RNF111: variants seen among roughly 807,000 people sequenced by gnomAD.
The protein encoded by RNF111 is E3 ubiquitin-protein ligase Arkadia.
Under a neutral mutation model 95.1 loss-of-function variants are expected in RNF111, and 17 were observed. The observed-to-expected ratio is 0.18, with a 90% CI of 0.12 to 0.27. RNF111 has a LOEUF of 0.27. Ranked by LOEUF, RNF111 falls within the 10% of genes least tolerant of loss-of-function variation. The pLI, the probability that RNF111 is intolerant of heterozygous loss-of-function variation, is 1.00. For missense variants in RNF111, 1,189 were observed against 1,210.4 expected (o/e 0.98, Z 0.26); for synonymous variants, 440 against 414.8 (o/e 1.06, Z -0.74).
chr15:59,065,754 C>G (rs1259950675), intron 5 of RNF111, among the ~76,000 whole-genome samples: 2 of 152,110 alleles, frequency 1.3e-5, no homozygotes, highest in African/African-American at 4.8e-5. Context: ...CGCCTGTAAT[C>G]CAAGTACTTT....
chr15:59,027,390 T>G (rs762535891), intron 1 of RNF111, among the ~76,000 whole-genome samples: 4 of 152,202 alleles, frequency 2.6e-5, no homozygotes, highest in African/African-American at 4.8e-5. Context: ...TTTTTAAACC[T>G]CTTGACTTTC....
rs1418803647 is a variant in RNF111 at position 59,095,717 on chromosome 15, T to A, written c.*817T>A. Reference sequence around the variant, plus strand: ...ATATTAATTTCAATTAGCTAGATTGTACATACTTGCAGATTTAACAAAATT... The same window carrying A: ...ATATTAATTTCAATTAGCTAGATTGAACATACTTGCAGATTTAACAAAATT... On this transcript the variant is annotated 3_prime_UTR_variant, in exon 14 of 14. Coordinates refer to ENST00000348370, the MANE Select transcript of RNF111 (RefSeq NM_017610.8). The A allele has an allele frequency of 1.3e-5, 4 of 297,294 alleles. No individual in the cohort carries two copies. The highest frequency in any genetic ancestry group is 2.5e-5 in the Non-Finnish European group (4 of 163,166). 18.4% of individuals were successfully genotyped at this position (297,294 alleles called of 1,614,324 possible). A position where few individuals can be genotyped will look rare whatever the true frequency, so the allele number is the denominator to read the frequency against.
Position 59,021,389 on chromosome 15 carries a change from C to T in RNF111, c.-19-9415C>T, listed in dbSNP as rs1596105701. Among the ~76,000 whole-genome samples, 6 of 152,124 alleles carry T rather than the reference C, an allele frequency of 3.9e-5. No individual in the cohort carries two copies. The South Asian group carries it at 1.3e-3, about 32-fold the overall frequency. On this transcript the variant is annotated intron_variant, in intron 1 of 13. Transcript: ENST00000348370. ...TGGTCTCGAACTCCTGACCTCAATT[C>T]ATCCGCCTGTCTCGGCCTCCCAAAG...
intron 2 of RNF111, among the ~76,000 whole-genome samples, chr15:59,045,375 G>A (rs1210359698): frequency 2.6e-5 from 4 of 151,970 alleles, no homozygotes. Flanking sequence ...ATTTTTAGTA[G>A]AGACGGGGTT....
intron 10 of RNF111, 44 bp from the exon 11 acceptor site, chr15:59,089,621 AGT>A: frequency 7.3e-7 from 1 of 1,373,772 alleles, no homozygotes; most frequent in Non-Finnish European, 1.0e-6. Flanking sequence ...GTAAATCACA[AGT>A]CTATTCTTAA....
intron 10 of RNF111, among the ~76,000 whole-genome samples, chr15:59,087,419 A>AGTTAT (rs1268528096): frequency 6.6e-6 from 1 of 152,214 alleles, no homozygotes; most frequent in East Asian, 1.9e-4. Flanking sequence ...CACAGTCGAA[A>AGTTAT]ATCAGAGTAT....
At chr15:59,084,556 G>A (rs1245153641) in intron 9 of RNF111, among the ~76,000 whole-genome samples, 1 of 152,130 alleles carries the variant, frequency 6.6e-6, no homozygotes, top group Non-Finnish European at 1.5e-5. Flanking sequence ...CATACATTGT[G>A]AAATGATTAA....
chr15:58,993,445 G>A (rs1407309568), intron 1 of RNF111, among the ~76,000 whole-genome samples: 8 of 152,122 alleles, frequency 5.3e-5, no homozygotes, highest in African/African-American at 1.9e-4. Flanking sequence ...GGCTGAGACA[G>A]GAGAATTGCT....
intron 1 of RNF111, among the ~76,000 whole-genome samples, chr15:58,998,145 C>T (rs1009268353): frequency 4.0e-5 from 6 of 151,876 alleles, no homozygotes; most frequent in African/African-American, 1.2e-4. Context: ...CCTCGTGATC[C>T]GCCAGCCTCG....
At chr15:59,048,492 T>TCCCC in intron 2 of RNF111, among the ~76,000 whole-genome samples, 1 of 152,284 alleles carries the variant, frequency 6.6e-6, no homozygotes, top group East Asian at 1.9e-4. Context: ...GCGAGCTCTT[T>TCCCC]TGGGGTTATT....
intron 1 of RNF111, among the ~76,000 whole-genome samples, chr15:59,022,443 A>C (rs1380457756): frequency 9.9e-5 from 15 of 152,180 alleles, no homozygotes; most frequent in African/African-American, 3.1e-4. Flanking sequence ...CCAAAAGATA[A>C]CTTTGACTTC....
At chr15:59,068,845 AG>A (rs1157754016) in intron 6 of RNF111, among the ~76,000 whole-genome samples, 1 of 151,964 alleles carries the variant, frequency 6.6e-6, no homozygotes, top group Non-Finnish European at 1.5e-5. Context: ...GGGAGGCCAA[AG>A]TGGGTGGATC....
intron 2 of RNF111, chr15:59,050,121 T>C (rs537500249): frequency 9.3e-5 from 14 of 150,180 alleles, no homozygotes; most frequent in Non-Finnish European, 1.6e-4. Flanking sequence ...CTGGAGTGCA[T>C]TGGCGTGATC....
intron 2 of RNF111, among the ~76,000 whole-genome samples, chr15:59,038,727 T>G (rs1351230683): frequency 1.1e-4 from 16 of 152,162 alleles, no homozygotes; most frequent in African/African-American, 3.9e-4. Context: ...ATGGCATCAT[T>G]TCTGTAAACT....
At chr15:59,093,270 TTA>T (rs1284487512) in intron 13 of RNF111, 1 of 351,098 alleles carries the variant, frequency 2.8e-6, no homozygotes, top group Non-Finnish European at 5.5e-6. Context: ...TCCTAGAAAG[TTA>T]TAATGTGTTC....
chr15:59,012,530 C>A (rs2039875297), intron 1 of RNF111, among the ~76,000 whole-genome samples: 1 of 152,080 alleles, frequency 6.6e-6, no homozygotes, highest in Non-Finnish European at 1.5e-5. Flanking sequence ...GATTGCTGAA[C>A]ATTTTAACAC....
intron 2 of RNF111, among the ~76,000 whole-genome samples, chr15:59,051,208 C>T (rs555994609): frequency 6.6e-6 from 1 of 152,064 alleles, no homozygotes; most frequent in Non-Finnish European, 1.5e-5. Flanking sequence ...AATCCCAGCA[C>T]TTTGGGAGGC....
At chr15:59,086,019 G>A (rs189729660) in intron 10 of RNF111, among the ~76,000 whole-genome samples, 58 of 152,216 alleles carry the variant, frequency 3.8e-4, no homozygotes, top group African/African-American at 1.3e-3. Flanking sequence ...GGGGTTTTTT[G>A]TATACCAAGA....
chr15:59,089,582 T>C lies in RNF111; in HGVS notation c.2551-85T>C, dbSNP rs989367211. On this transcript the variant is annotated intron_variant, in intron 10 of 13. Coordinates refer to ENST00000348370, the MANE Select transcript of RNF111 (RefSeq NM_017610.8). ...TTATGAGCAGTTGAATTGAAAACAT[T>C]GAGGGTCTTGAATTATTCAATGTTA... 2.9e-6 allele frequency: 3 copies of C among 1,030,490 alleles called. No individual in the cohort carries two copies. In the African/African-American group the frequency reaches 4.7e-5, roughly 16 times the overall value. The allele number at this position is 1,030,490 out of a possible 1,614,324, so 63.8% of individuals were successfully genotyped here.
Sources: allele counts gnomAD v4.1 joint callset (sites outside exome capture counted in the v4.1 genomes callset), GRCh38; gene constraint gnomAD v4.1.1; transcripts MANE v1.5; gene names NCBI Gene and HGNC (gene_info 2026-07-23, HGNC 2026-07-21).